The following RIC8B variants were observed in gnomAD, a reference collection of about 807,000 sequenced individuals.
RIC8B encodes RIC8 guanine nucleotide exchange factor B, also known as chaperone Ric-8B.
A neutral mutation model predicts 57.5 loss-of-function variants in RIC8B; 16 were observed. The observed-to-expected ratio is 0.28, with a 90% CI of 0.19 to 0.42. RIC8B has a LOEUF of 0.42. RIC8B is among the 10% of genes least tolerant of loss of function. RIC8B has a pLI of 1.00. For missense variants in RIC8B, 481 were observed against 677.0 expected (o/e 0.71, Z 3.21); for synonymous variants, 216 against 250.8 (o/e 0.86, Z 1.31).
chr12:106,847,954 C>T (rs1314609876), intron 6 of RIC8B, among the ~76,000 whole-genome samples: 1 of 152,174 alleles, frequency 6.6e-6, no homozygotes, highest in Admixed American at 6.5e-5. Flanking sequence ...CCCAGTGGAA[C>T]TTGGTCTTGT....
chr12:106,777,808 T>C (rs1238017891), intron 1 of RIC8B, among the ~76,000 whole-genome samples: 1 of 152,192 alleles, frequency 6.6e-6, no homozygotes, highest in Non-Finnish European at 1.5e-5. Flanking sequence ...AAATGAAATA[T>C]AATGCCAACA....
rs947791440 is a variant in RIC8B, at chr12:106,871,498, A to C, written c.1571+556A>C. 9.4e-5 allele frequency: 11 copies of C among 116,430 alleles called. 2 individuals are homozygous for C. In the South Asian group the frequency reaches 1.4e-3, roughly 14 times the overall value. The allele number at this position is 116,430 out of a possible 1,614,324, so 7.2% of individuals were successfully genotyped here. A position where few individuals can be genotyped will look rare whatever the true frequency, so the allele number is the denominator to read the frequency against. ...AAAAAAAAAAAAAAAAAAAAAAAAA[A>C]CCAAAAAACTCCCCTTCCCCTCTTG... On this transcript the variant is annotated intron_variant, in intron 9 of 9. Transcript: ENST00000392837.
chr12:106,861,372 G>A (rs1266075738), intron 8 of RIC8B, among the ~76,000 whole-genome samples: 7 of 152,032 alleles, frequency 4.6e-5, no homozygotes, highest in East Asian at 1.9e-4. Context: ...TGACATGCAA[G>A]TAATGGGTTG....
At chr12:106,819,238 C>T (rs1246379769) in intron 3 of RIC8B, among the ~76,000 whole-genome samples, 1 of 152,038 alleles carries the variant, frequency 6.6e-6, no homozygotes, top group Non-Finnish European at 1.5e-5. Flanking sequence ...TAGCAGTGGC[C>T]TCTGGGAGTA....
intron 8 of RIC8B, among the ~76,000 whole-genome samples, chr12:106,865,676 A>G (rs138720051): frequency 3.2e-4 from 49 of 152,228 alleles, no homozygotes; most frequent in African/African-American, 1.2e-3. Context: ...GATCATTCTC[A>G]AAGCCTTCTC....
At chr12:106,837,082 G>A (rs925785692) in intron 4 of RIC8B, among the ~76,000 whole-genome samples, 6 of 152,122 alleles carry the variant, frequency 3.9e-5, no homozygotes, top group African/African-American at 1.2e-4. Context: ...CGTATAACCC[G>A]GCCGGGCGCA....
rs1462888667 is a variant in RIC8B, at chr12:106,879,353, G to A, written c.1572-6551G>A. 1.0e-6 allele frequency: 1 copy of A among 985,166 alleles called. No homozygotes were observed. Among genetic ancestry groups the A allele is most frequent in the Non-Finnish European group, 1.2e-6 (1 of 829,914 alleles). The allele number at this position is 985,166 out of a possible 1,614,324, so 61.0% of individuals were successfully genotyped here. Reference sequence around the variant, plus strand: ...TATTCTATATTGTGCGATTGGGTATGTTAGTATCTGAACCCCAATTTTGCA... The same window carrying A: ...TATTCTATATTGTGCGATTGGGTATATTAGTATCTGAACCCCAATTTTGCA... On this transcript the variant is annotated intron_variant, in intron 9 of 9. Transcript: ENST00000392837. This position sits in a 1 kb window ranked among gnomAD's most constrained non-coding sequence, Gnocchi z 4.9.
chr12:106,838,826 C>A (rs1447107517), intron 4 of RIC8B, among the ~76,000 whole-genome samples: 4 of 149,006 alleles, frequency 2.7e-5, no homozygotes, highest in Non-Finnish European at 4.4e-5. Context: ...CTCTTAATAG[C>A]CAAAAAAAAA....
At chr12:106,851,693 C>T in intron 7 of RIC8B, 99 bp downstream of exon 7, 1 of 1,034,474 alleles carries the variant, frequency 9.7e-7, no homozygotes, top group Non-Finnish European at 1.4e-6. Context: ...TCCATTCTTT[C>T]CAAAGCTTAC....
chr12:106,779,270 C>T (rs1320373444), intron 1 of RIC8B, among the ~76,000 whole-genome samples: 3 of 143,368 alleles, frequency 2.1e-5, no homozygotes, highest in East Asian at 2.1e-4. Context: ...CTCATTCTGC[C>T]GCCCAGGCTG....
rs1593432270 is a variant in RIC8B at position 106,886,450 on chromosome 12, G to A, written c.*435G>A. On this transcript the variant is annotated 3_prime_UTR_variant, in exon 10 of 10. Transcript: ENST00000392837. Reference sequence around the variant, plus strand: ...AAAGAGCTGGTAAATAAAGCCTTGGGCAAGCGACTTCTTAGATCAGAACTC... The same window carrying A: ...AAAGAGCTGGTAAATAAAGCCTTGGACAAGCGACTTCTTAGATCAGAACTC... The A allele has an allele frequency of 6.3e-6, 1 of 157,772 alleles. No homozygotes were observed. 9.8% of individuals were successfully genotyped at this position (157,772 alleles called of 1,614,324 possible).
At chr12:106,793,336 G>A (rs1208001878) in intron 2 of RIC8B, among the ~76,000 whole-genome samples, 1 of 152,218 alleles carries the variant, frequency 6.6e-6, no homozygotes. Flanking sequence ...CCTTATAAAA[G>A]AGAGTGCTGA....
At chr12:106,854,109 T>C (rs1949614971) in intron 7 of RIC8B, among the ~76,000 whole-genome samples, 1 of 152,222 alleles carries the variant, frequency 6.6e-6, no homozygotes, top group Non-Finnish European at 1.5e-5. Flanking sequence ...TGCTACTATT[T>C]AGCAGCGACT....
At chr12:106,851,344 C>CAAAA in intron 6 of RIC8B, 106 bp from the exon 7 acceptor site, 1 of 267,446 alleles carries the variant, frequency 3.7e-6, no homozygotes, top group Non-Finnish European at 7.0e-6. Context: ...TTTGCTCCTA[C>CAAAA]AATACAAACC....
chr12:106,813,187 CTT>C lies in RIC8B; in HGVS notation c.133-1488_133-1487del, dbSNP rs35584850. ...CATAGGTTATATGCAAATACTATGCCTTTTTTTTTTTTTTTTTTTTTTGAGAC... is the reference window on the plus strand; with the variant it reads ...CATAGGTTATATGCAAATACTATGCCTTTTTTTTTTTTTTTTTTTTGAGAC... On this transcript the variant is annotated intron_variant, in intron 2 of 9. Coordinates refer to ENST00000392837, the MANE Select transcript of RIC8B (RefSeq NM_001330145.2). Among the ~76,000 whole-genome samples, 9 of 98,680 alleles carry C rather than the reference CTT, an allele frequency of 9.1e-5. No individual in the cohort carries two copies. The East Asian group carries it at 1.2e-3, about 13-fold the overall frequency. 64.7% of individuals were successfully genotyped at this position (98,680 alleles called of 152,430 possible). A position where few individuals can be genotyped will look rare whatever the true frequency, so the allele number is the denominator to read the frequency against.
intron 9 of RIC8B, among the ~76,000 whole-genome samples, chr12:106,884,009 A>G (rs1377844310): frequency 6.6e-6 from 1 of 152,190 alleles, no homozygotes; most frequent in Admixed American, 6.5e-5. Flanking sequence ...AAAAAGGTTT[A>G]AAAAGATAGA....
chr12:106,854,072 G>T (rs1373146874), intron 7 of RIC8B, among the ~76,000 whole-genome samples: 1 of 152,090 alleles, frequency 6.6e-6, no homozygotes, highest in Non-Finnish European at 1.5e-5. Flanking sequence ...GAGACGAAGG[G>T]ACTATGGGAG....
intron 9 of RIC8B, among the ~76,000 whole-genome samples, chr12:106,884,326 A>T (rs530288098): frequency 6.6e-6 from 1 of 152,358 alleles, no homozygotes; most frequent in Non-Finnish European, 1.5e-5. Flanking sequence ...CCTGTCACAT[A>T]GTCATTGAAC....
chr12:106,785,715 CT>C (rs1314907383), intron 2 of RIC8B, among the ~76,000 whole-genome samples: 3 of 151,948 alleles, frequency 2.0e-5, no homozygotes, highest in African/African-American at 7.3e-5. Flanking sequence ...CAAAATAGCC[CT>C]GCTCAGGCCC....
Sources: gnomAD v4.1 joint callset for allele counts (sites outside exome capture counted in the v4.1 genomes callset) on GRCh38, gnomAD v4.1.1 for gene constraint, Gnocchi (gnomAD v3.1) non-coding constraint, MANE v1.5 for transcripts, NCBI Gene and HGNC (gene_info 2026-07-23, HGNC 2026-07-21) for gene names.